Variants in ANKRD44 observed in about 807,000 individuals in gnomAD.
ANKRD44 encodes the protein ankyrin repeat domain 44.
ANKRD44 carries 35 observed loss-of-function variants against 116.0 expected under a neutral mutation model. That is an observed-to-expected ratio of 0.30 (90% confidence interval 0.23 to 0.40). The LOEUF is 0.40. ANKRD44 is among the 10% of genes least tolerant of loss of function. ANKRD44 has a pLI of 1.00. For missense variants in ANKRD44, 1,014 were observed against 1,242.6 expected, an observed-to-expected ratio of 0.82 and a Z score of 2.77; for synonymous variants, 435 against 461.8, an observed-to-expected ratio of 0.94 and a Z score of 0.74.
intron 1 of ANKRD44, among the ~76,000 whole-genome samples, chr2:197,274,496 C>T (rs2083016376): frequency 6.6e-6 from 1 of 152,188 alleles, no homozygotes; most frequent in African/African-American, 2.4e-5. Context: ...TGACAACCTG[C>T]CTGTAACTGA....
intron 16 of ANKRD44, among the ~76,000 whole-genome samples, chr2:197,046,126 C>T (rs2076997017): frequency 6.6e-6 from 1 of 152,150 alleles, no homozygotes; most frequent in Non-Finnish European, 1.5e-5. Flanking sequence ...CATAGCATTC[C>T]AATAAATCAG....
At chr2:196,973,153 A>G (rs1303348698) in intron 21 of ANKRD44, among the ~76,000 whole-genome samples, 1 of 152,192 alleles carries the variant, frequency 6.6e-6, no homozygotes, top group Non-Finnish European at 1.5e-5. Flanking sequence ...GAAAAATAGT[A>G]TGCCATTATC....
At chr2:197,052,581 A>T (rs1444560227) in intron 16 of ANKRD44, among the ~76,000 whole-genome samples, 4 of 152,062 alleles carry the variant, frequency 2.6e-5, no homozygotes, top group Non-Finnish European at 4.4e-5. Context: ...GGGAGTTACT[A>T]ATTACAAGCA....
chr2:197,273,980 AATATATATATATATAT>A (rs1164251927), intron 1 of ANKRD44, among the ~76,000 whole-genome samples: 2 of 43,944 alleles, frequency 4.6e-5, no homozygotes, highest in East Asian at 5.9e-4. Flanking sequence ...AAAAAAAAAA[AATATATATATATATAT>A]ATATATATAT....
Position 197,271,007 on chromosome 2 carries a change from G to A in ANKRD44, c.27+39571C>T, listed in dbSNP as rs563254779. On this transcript the variant is annotated intron_variant, in intron 1 of 27. Coordinates refer to ENST00000282272, the MANE Select transcript of ANKRD44 (RefSeq NM_001195144.2). ...GCTCCATGAGCAAGCAGACCGTGCA[G>A]CTGCCCAGGGACCTGTGCTGGGAAG... 7.2e-4 allele frequency among the ~76,000 whole-genome samples: 110 copies of A among 152,294 alleles called. 3 individuals are homozygous for A. The South Asian group carries it at 0.021, about 29-fold the overall frequency.
chr2:197,132,440 C>T (rs183752282), intron 4 of ANKRD44, among the ~76,000 whole-genome samples: 48 of 152,306 alleles, frequency 3.2e-4, no homozygotes, highest in Admixed American at 7.8e-4. Flanking sequence ...TGATCTGACA[C>T]CCTTATTGCT....
chr2:197,011,327 T>C lies in ANKRD44; in HGVS notation c.1924+2184A>G, dbSNP rs896192058. On this transcript the variant is annotated intron_variant, in intron 18 of 27. Coordinates refer to ENST00000282272, the MANE Select transcript of ANKRD44 (RefSeq NM_001195144.2). ...GTTCAAGTGACATTTGATATTTGGC[T>C]AAACATAAGAAGAAAAAAATTATCT... Among the ~76,000 whole-genome samples, 9 of 152,350 alleles carry C rather than the reference T, an allele frequency of 5.9e-5. No individual in the cohort carries two copies. In the East Asian group the frequency reaches 1.3e-3, roughly 23 times the overall value.
Position 196,995,409 on chromosome 2 carries a change from A to C in ANKRD44, c.2801T>G (p.Leu934Arg). Residue 934 changes from leucine (L) to arginine (R), a missense_variant, in exon 26 of 28, where the codon CTT becomes CGT. Leu to Arg is a moderately radical substitution (Grantham distance 102). Coordinates refer to ENST00000282272, the MANE Select transcript of ANKRD44 (RefSeq NM_001195144.2). ...CAGTGCATTATTTTTTTCATTAATA[A>C]GGCTCTCGTCTTGTATCTTGTCAAG... ...LILDKIQDES[L>R]INEKNNALQT... 6.2e-7 allele frequency: 1 copy of C among 1,612,374 alleles called. No homozygotes were observed. Among genetic ancestry groups the C allele is most frequent in the African/African-American group, 1.3e-5 (1 of 75,010 alleles).
At chr2:197,178,078 C>T (rs1263962084) in intron 2 of ANKRD44, among the ~76,000 whole-genome samples, 2 of 152,106 alleles carry the variant, frequency 1.3e-5, no homozygotes. Flanking sequence ...TGCATACTGC[C>T]AAACTGCCCT....
intron 1 of ANKRD44, among the ~76,000 whole-genome samples, chr2:197,308,645 A>G (rs959099226): frequency 2.6e-5 from 4 of 152,186 alleles, no homozygotes; most frequent in Non-Finnish European, 5.9e-5. Context: ...CTTTCTCTCC[A>G]TACTCATACT....
In ANKRD44 at chr2:196,998,973, C is replaced by A. The variant is rs145698398; in HGVS notation, c.2599G>T (p.Ala867Ser). ...GCTGTTTTCCCTGAATTATCTACTG[C>A]GTTCACTGGAGCACTGTGTCTCAGA... ...LLLRHSAPVN[A>S]VDNSGKTALM... The change falls in exon 24 of 28, where the codon GCA becomes TCA. Residue 867 changes from alanine (A) to serine (S), a missense_variant. Transcript: ENST00000282272. 7 of 1,614,226 alleles carry A rather than the reference C, an allele frequency of 4.3e-6. No individual in the cohort carries two copies. The African/African-American group carries it at 9.3e-5, about 22-fold the overall frequency.
chr2:197,026,799 G>T (rs1303427756), intron 16 of ANKRD44, among the ~76,000 whole-genome samples: 1 of 152,126 alleles, frequency 6.6e-6, no homozygotes, highest in Non-Finnish European at 1.5e-5. Context: ...CAGTGGCTTG[G>T]ACCAGCAAGA....
At chr2:197,019,252 C>T (rs921849654) in intron 17 of ANKRD44, among the ~76,000 whole-genome samples, 29 of 152,316 alleles carry the variant, frequency 1.9e-4, no homozygotes, top group African/African-American at 6.3e-4. Flanking sequence ...ACACACAATG[C>T]CTGGCTTGAG....
chr2:197,302,485 A>G (rs1010603217), intron 1 of ANKRD44: 1 of 152,250 alleles, frequency 6.6e-6, no homozygotes, highest in African/African-American at 2.4e-5. Context: ...GAATGATTTA[A>G]AGAAATATGA....
At chr2:196,980,309 T>A (rs534963863) in intron 21 of ANKRD44, among the ~76,000 whole-genome samples, 101 of 152,284 alleles carry the variant, frequency 6.6e-4, no homozygotes, top group African/African-American at 2.4e-3. Flanking sequence ...AACATTCTCC[T>A]AACAAAATTT....
chr2:197,303,942 C>T (rs1201395030), intron 1 of ANKRD44, among the ~76,000 whole-genome samples: 1 of 152,102 alleles, frequency 6.6e-6, no homozygotes, highest in East Asian at 1.9e-4. Context: ...ACCTGCATTC[C>T]CGACCTCTGA....
At chr2:197,047,830 A>T (rs1435563805) in intron 16 of ANKRD44, among the ~76,000 whole-genome samples, 5 of 152,060 alleles carry the variant, frequency 3.3e-5, no homozygotes, top group Non-Finnish European at 5.9e-5. Context: ...GAATTGCTTG[A>T]ACTCAGGAGG....
chr2:196,988,994 C>T lies in ANKRD44; in HGVS notation c.*597G>A. On this transcript the variant is annotated 3_prime_UTR_variant, in exon 28 of 28. Coordinates refer to ENST00000282272, the MANE Select transcript of ANKRD44 (RefSeq NM_001195144.2). ...TTCTAAGCTCTAAGCTGGCTACAGA[C>T]TGTGGCTGAGCAGTAGAAGATGCGT... is the stretch of plus-strand genomic sequence containing the variant. 1 of 985,458 alleles carries T rather than the reference C, an allele frequency of 1.0e-6. No individual in the cohort carries two copies. Among genetic ancestry groups the T allele is most frequent in the Non-Finnish European group, 1.2e-6 (1 of 829,960 alleles). 61.0% of individuals were successfully genotyped at this position (985,458 alleles called of 1,614,324 possible). A position where few individuals can be genotyped will look rare whatever the true frequency, so the allele number is the denominator to read the frequency against.
chr2:197,186,247 T>C (rs1245094621), intron 2 of ANKRD44, among the ~76,000 whole-genome samples: 1 of 152,158 alleles, frequency 6.6e-6, no homozygotes, highest in Non-Finnish European at 1.5e-5. Context: ...ACCTCTATTA[T>C]CACTGACTTC....
Sources: allele counts gnomAD v4.1 joint callset (sites outside exome capture counted in the v4.1 genomes callset), GRCh38; gene constraint gnomAD v4.1.1; transcripts MANE v1.5; gene names NCBI Gene and HGNC (gene_info 2026-07-23, HGNC 2026-07-21).